TUBGCP2: variants seen among roughly 807,000 people sequenced by gnomAD.
TUBGCP2 encodes the protein gamma-tubulin complex component 2.
A neutral mutation model predicts 92.2 loss-of-function variants in TUBGCP2; 55 were observed. The ratio of observed to expected loss-of-function variants is 0.60; its 90% CI spans 0.48 to 0.75. The LOEUF (loss-of-function observed/expected upper bound fraction) is 0.75. Ranked by LOEUF, TUBGCP2 falls within the 30% of genes least tolerant of loss-of-function variation. The probability of loss-of-function intolerance (pLI) is 0.00; values close to 1 mark genes in which losing one functional copy is unlikely to be tolerated. For synonymous variants in TUBGCP2, 533 were observed against 505.2 expected, an observed-to-expected ratio of 1.06 and a Z score of -0.74; for missense variants, 1,093 against 1,188.9, an observed-to-expected ratio of 0.92 and a Z score of 1.19.
intron 7 of TUBGCP2, among the ~76,000 whole-genome samples, 171 bp from the exon 8 acceptor site, chr10:133,292,859 A>G (rs1204430130): frequency 1.3e-5 from 2 of 152,234 alleles, no homozygotes; most frequent in Admixed American, 1.3e-4. Flanking sequence ...GCTGACCAGT[A>G]AGAGCTTCCA....
upstream of TUBGCP2, chr10:133,312,144 G>C: frequency 7.0e-7 from 1 of 1,436,514 alleles, no homozygotes; most frequent in Non-Finnish European, 9.1e-7. Flanking sequence ...TCACAACCCA[G>C]GCGTCTGCCT....
Position 133,285,058 on chromosome 10 carries a change from G to A in TUBGCP2, c.2024+27C>T, listed in dbSNP as rs902079535. 6.3e-7 allele frequency: 1 copy of A among 1,580,444 alleles called. No homozygotes were observed. Among genetic ancestry groups the A allele is most frequent in the Admixed American group, 1.7e-5 (1 of 58,938 alleles). On this transcript the variant is annotated intron_variant, in intron 13 of 17. Transcript: ENST00000252936. The surrounding 1 kb of genome is among the most constrained non-coding windows in gnomAD (Gnocchi z 6.8). ...GTGCAGCGAGCGCTGCTTCAGGAGG[G>A]CATGCGGGGGCAGAGGAAGAACGCA... is the stretch of plus-strand genomic sequence containing the variant.
At chr10:133,282,118 TG>T in intron 16 of TUBGCP2, 104 bp downstream of exon 16, 1 of 1,542,570 alleles carries the variant, frequency 6.5e-7, no homozygotes, top group Non-Finnish European at 8.8e-7. Context: ...TGAGGGGAGA[TG>T]GAAGTAAAAG....
At chr10:133,311,914 G>A (rs749394890), upstream of TUBGCP2, 6 of 1,613,020 alleles carry the variant, frequency 3.7e-6, no homozygotes, top group African/African-American at 8.0e-5. Context: ...GCTGCACCTG[G>A]GCCGCAGCTC....
In TUBGCP2 at chr10:133,293,203, TGCC is replaced by T; in HGVS notation, c.857_859del (p.Gly286_Gln287delinsGlu). ...GGCGGCCGCCAGGGCGTGGTTCACC[TGCC>T]CGTACTCGAAGGAAGACTTCTCTTC... On this transcript the variant is annotated inframe_deletion, in exon 7 of 18. Transcript: ENST00000252936. 6.2e-7 allele frequency: 1 copy of T among 1,613,814 alleles called. No individual in the cohort carries two copies. The highest frequency in any genetic ancestry group is 8.5e-7 in the Non-Finnish European group (1 of 1,180,036).
chr10:133,283,183 G>C lies in TUBGCP2; in HGVS notation c.2184C>G (p.Gly728=). 1 of 1,614,230 alleles carries C rather than the reference G, an allele frequency of 6.2e-7. No homozygotes were observed. The highest frequency in any genetic ancestry group is 1.1e-5 in the South Asian group (1 of 91,088). The change falls in exon 15 of 18, where the codon GGC becomes GGG. Residue 728 remains glycine (G), a synonymous_variant. Transcript: ENST00000252936. ...NIDDVLGHHT[G]FLDTCLKDCM... is the part of the protein sequence containing the mutation. ...AGTCCTTCAGGCAGGTGTCCAGGAA[G>C]CCTGTGTGGTGGCCAAGGACGTCGT...
intron 15 of TUBGCP2, among the ~76,000 whole-genome samples, chr10:133,282,566 AT>A: frequency 6.6e-6 from 1 of 152,158 alleles, no homozygotes; most frequent in Middle Eastern, 3.4e-3. Context: ...GAGAACAGTT[AT>A]TTTGGTGTTT....
intron 5 of TUBGCP2, 39 bp from the exon 6 acceptor site, chr10:133,293,808 C>A (rs745892975): frequency 6.5e-7 from 1 of 1,540,908 alleles, no homozygotes; most frequent in South Asian, 1.2e-5. Context: ...GCAGCCCCCA[C>A]TCCCATGCCC....
intron 9 of TUBGCP2, 68 bp downstream of exon 9, chr10:133,289,756 T>TGGGCTGCAGGAGACTCTCC: frequency 6.5e-7 from 1 of 1,548,584 alleles, no homozygotes; most frequent in Non-Finnish European, 8.7e-7. Flanking sequence ...TGGGAGGGCC[T>TGGGCTGCAGGAGACTCTCC]GGGCTGCAGG....
rs1377796502 is a variant in TUBGCP2 at position 133,289,831 on chromosome 10, G to C, written c.1353C>G (p.Leu451=). The C allele has an allele frequency of 1.9e-6, 3 of 1,614,088 alleles. No homozygotes were observed. The African/African-American group carries it at 4.0e-5, about 22-fold the overall frequency. ...CCGCCCGCTGCGCCGCACCTGTGCT[G>C]AGGATCTTGTCCGCCATTTTCTGCA... ...SFLQKMADKI[L]STGKYLNVVR... The change falls in exon 9 of 18, where the codon CTC becomes CTG. Residue 451 remains leucine, a synonymous_variant. Transcript: ENST00000252936.
At chr10:133,309,564 G>A (rs1315270351), upstream of TUBGCP2, 6 of 1,400,246 alleles carry the variant, frequency 4.3e-6, no homozygotes, top group Admixed American at 4.0e-5. Flanking sequence ...ATGTGCGGCC[G>A]CCCCACCGAG....
At chr10:133,309,482 C>A, upstream of TUBGCP2, 1 of 1,608,778 alleles carries the variant, frequency 6.2e-7, no homozygotes, top group Non-Finnish European at 8.5e-7. Context: ...ATGGGCAGTG[C>A]CTAGCCAGTG....
At position 133,299,132 on chromosome 10, in the gene TUBGCP2, A is replaced by G. The variant is rs564550220; in HGVS notation, c.456+295T>C. ...GGGAAATGGGGAGTCAGGATTGGGT[A>G]GGCTCAGAGTCACGTGGCCACCTGG... On this transcript the variant is annotated intron_variant, in intron 4 of 17. Coordinates refer to ENST00000252936, the MANE Select transcript of TUBGCP2 (RefSeq NM_006659.4). Among the ~76,000 whole-genome samples the G allele has an allele frequency of 2.6e-5, 4 of 152,310 alleles. No individual in the cohort carries two copies. In the South Asian group the frequency reaches 8.3e-4, roughly 32 times the overall value.
rs927308192 is a variant in TUBGCP2 at position 133,283,776 on chromosome 10, C to T, written c.2145+106G>A. On this transcript the variant is annotated intron_variant, in intron 14 of 17. Coordinates refer to ENST00000252936, the MANE Select transcript of TUBGCP2 (RefSeq NM_006659.4). The stretch of plus-strand genomic sequence containing the variant: ...GCGTCTCCCTGCATTCCCTGCCTCT[C>T]CTGCACTCCCTGCCTCTCCCCTCGC... 66 of 1,536,882 alleles carry T rather than the reference C, an allele frequency of 4.3e-5. 1 individual carries two copies. The African/African-American group carries it at 9.0e-4, about 21-fold the overall frequency.
At chr10:133,292,744 C>A (rs1847389061) in intron 7 of TUBGCP2, 56 bp from the exon 8 acceptor site, 7 of 1,555,908 alleles carry the variant, frequency 4.5e-6, no homozygotes, top group Non-Finnish European at 5.2e-6. Context: ...CCAGCCTCTG[C>A]CAACAACACT....
At chr10:133,287,890 G>A (rs1847172573) in intron 11 of TUBGCP2, among the ~76,000 whole-genome samples, 1 of 152,256 alleles carries the variant, frequency 6.6e-6, no homozygotes, top group Non-Finnish European at 1.5e-5. Flanking sequence ...AGCATGACCT[G>A]AAAGCCAGGC....
chr10:133,306,771 G>C (rs993151738), intron 1 of TUBGCP2, among the ~76,000 whole-genome samples: 14 of 152,090 alleles, frequency 9.2e-5, no homozygotes, highest in African/African-American at 3.1e-4. Context: ...CTGGGCAACA[G>C]AGCGAGACTC....
chr10:133,309,749 G>T (rs757270252), upstream of TUBGCP2: 3 of 1,611,486 alleles, frequency 1.9e-6, no homozygotes, highest in Admixed American at 3.3e-5. Flanking sequence ...CCGGAGGAAG[G>T]GCTCCTGAAG....
upstream of TUBGCP2, chr10:133,309,504 C>T (rs779095703): frequency 8.8e-6 from 14 of 1,590,118 alleles, no homozygotes; most frequent in African/African-American, 1.3e-5. Context: ...TACTCCTGCG[C>T]CGCCTCCCTG....
Sources: gnomAD v4.1 joint callset for allele counts (sites outside exome capture counted in the v4.1 genomes callset) on GRCh38, gnomAD v4.1.1 for gene constraint, Gnocchi (gnomAD v3.1) non-coding constraint, MANE v1.5 for transcripts, NCBI Gene and HGNC (gene_info 2026-07-23, HGNC 2026-07-21) for gene names.